STK38: variants seen among roughly 807,000 people sequenced by gnomAD.
The protein encoded by STK38 is serine/threonine-protein kinase 38.
In STK38, 26 loss-of-function variants were observed where a neutral mutation model predicts 59.0. The ratio of observed to expected loss-of-function variants is 0.44; its 90% CI spans 0.32 to 0.61. STK38 has a LOEUF of 0.61. STK38 is among the 20% of genes least tolerant of loss of function. The pLI is 0.04. For missense variants in STK38, 433 were observed against 566.0 expected, an observed-to-expected ratio of 0.76 and a Z score of 2.38; for synonymous variants, 175 against 176.6, an observed-to-expected ratio of 0.99 and a Z score of 0.07.
At position 36,547,263 on chromosome 6, in the gene STK38, G is replaced by C. The variant is rs45524837; in HGVS notation, c.-79C>G. ...CCCCTTCGGCCAGTAGTCTCGACTTGAAGGCTGGCGAAGCCCCGGCGGCGG... is the reference window on the plus strand; with the variant it reads ...CCCCTTCGGCCAGTAGTCTCGACTTCAAGGCTGGCGAAGCCCCGGCGGCGG... On this transcript the variant is annotated 5_prime_UTR_variant, in exon 1 of 14. Coordinates refer to ENST00000229812, the MANE Select transcript of STK38 (RefSeq NM_007271.4). 0.07 allele frequency: 10,678 copies of C among 152,702 alleles called. 475 individuals are homozygous for C. The highest frequency in any genetic ancestry group is 0.14 in the South Asian group (686 of 4,836). The allele number at this position is 152,702 out of a possible 1,614,324, so 9.5% of individuals were successfully genotyped here. A position where few individuals can be genotyped will look rare whatever the true frequency, so the allele number is the denominator to read the frequency against.
intron 2 of STK38, among the ~76,000 whole-genome samples, chr6:36,529,216 T>C (rs1484383841): frequency 6.6e-6 from 1 of 152,222 alleles, no homozygotes; most frequent in East Asian, 1.9e-4. Flanking sequence ...TGGAAATGCA[T>C]ACTTGACAGT....
rs1285765911 is a variant in STK38, at chr6:36,513,927, G to A, written c.669+1411C>T. The stretch of plus-strand genomic sequence containing the variant: ...TCCCAGCACTTTGGGAGGCCAAGGC[G>A]GGCAGATCACAAGGTCAGGAGATCG... On this transcript the variant is annotated intron_variant, in intron 7 of 13. Transcript: ENST00000229812. 4.0e-5 allele frequency among the ~76,000 whole-genome samples: 6 copies of A among 150,334 alleles called. 1 individual carries two copies. The highest frequency in any genetic ancestry group is 2.1e-4 in the South Asian group (1 of 4,688).
At chr6:36,545,289 G>GAAAAAAAAAAAA (rs58104312) in intron 1 of STK38, among the ~76,000 whole-genome samples, 1 of 60,526 alleles carries the variant, frequency 1.7e-5, no homozygotes, top group African/African-American at 6.5e-5. Flanking sequence ...ACTCCGTCTG[G>GAAAAAAAAAAAA]AAAAAAAAAA....
intron 5 of STK38, among the ~76,000 whole-genome samples, chr6:36,519,630 T>G (rs1305364080): frequency 6.6e-6 from 1 of 152,092 alleles, no homozygotes; most frequent in Non-Finnish European, 1.5e-5. Flanking sequence ...AAAGTGGAGT[T>G]GGCTGAATAT....
At chr6:36,510,944 G>C (rs1367891929) in intron 7 of STK38, among the ~76,000 whole-genome samples, 22 of 152,208 alleles carry the variant, frequency 1.4e-4, no homozygotes, top group Admixed American at 1.4e-3. Flanking sequence ...TCCCAACACA[G>C]TATCTGGCAT....
intron 2 of STK38, among the ~76,000 whole-genome samples, chr6:36,528,527 G>A (rs941682735): frequency 6.6e-6 from 1 of 152,122 alleles, no homozygotes; most frequent in Admixed American, 6.5e-5. Flanking sequence ...AGGAAACAGA[G>A]AGAGGAACAC....
chr6:36,527,228 ATTTATATG>A (rs1777545484), intron 2 of STK38, among the ~76,000 whole-genome samples: 1 of 143,346 alleles, frequency 7.0e-6, no homozygotes, highest in Non-Finnish European at 1.5e-5. Flanking sequence ...ATATATATAT[ATTTATATG>A]TATATACACA....
intron 1 of STK38, among the ~76,000 whole-genome samples, chr6:36,544,600 AT>A (rs1193898796): frequency 6.6e-6 from 1 of 152,212 alleles, no homozygotes; most frequent in Non-Finnish European, 1.5e-5. Context: ...AAATGTAACA[AT>A]TTGCCAGGGC....
intron 8 of STK38, 126 bp downstream of exon 8, chr6:36,507,374 A>G: frequency 1.3e-6 from 1 of 777,040 alleles, no homozygotes; most frequent in Non-Finnish European, 2.1e-6. Context: ...AAACCTGGGA[A>G]GGTATTTTTA....
At chr6:36,524,221 G>C (rs1264477754) in intron 4 of STK38, 120 bp downstream of exon 4, 1 of 1,207,690 alleles carries the variant, frequency 8.3e-7, no homozygotes, top group Non-Finnish European at 1.1e-6. Context: ...TGTGGGGCTG[G>C]CATGCCTGAC....
intron 3 of STK38, 30 bp from the exon 4 acceptor site, chr6:36,524,493 G>T (rs1214921882): frequency 6.4e-7 from 1 of 1,574,408 alleles, no homozygotes; most frequent in South Asian, 1.2e-5. Flanking sequence ...GGGAGGAGAC[G>T]GGAAGGAACT....
chr6:36,525,676 C>T (rs1298726726), intron 2 of STK38, 34 bp from the exon 3 acceptor site: 2 of 1,563,164 alleles, frequency 1.3e-6, no homozygotes, highest in Non-Finnish European at 8.8e-7. Flanking sequence ...CATGAAATCA[C>T]ATCTGAATGA....
chr6:36,519,172 T>C (rs1435099670), intron 5 of STK38, among the ~76,000 whole-genome samples: 1 of 152,216 alleles, frequency 6.6e-6, no homozygotes, highest in Admixed American at 6.5e-5. Flanking sequence ...AAGCTGCAAC[T>C]GTACAGAAAA....
chr6:36,517,896 A>G (rs201059970), intron 5 of STK38, 56 bp from the exon 6 acceptor site: 3 of 1,587,716 alleles, frequency 1.9e-6, no homozygotes, highest in Non-Finnish European at 2.6e-6. Context: ...ATTAGATTGT[A>G]TATTTGCTTA....
rs149028199 is a variant in STK38, at chr6:36,533,904, A to G, written c.131+6168T>C. ...GATCCTAACACGGGACACTGTGCAGACACTTGTTTACTCCAGTGAACAGCA... is the reference window on the plus strand; with the variant it reads ...GATCCTAACACGGGACACTGTGCAGGCACTTGTTTACTCCAGTGAACAGCA... On this transcript the variant is annotated intron_variant, in intron 2 of 13. Coordinates refer to ENST00000229812, the MANE Select transcript of STK38 (RefSeq NM_007271.4). Among the ~76,000 whole-genome samples, 946 of 152,348 alleles carry G rather than the reference A, an allele frequency of 6.2e-3. 12 individuals carry two copies. The highest frequency in any genetic ancestry group is 0.022 in the African/African-American group (908 of 41,574).
At chr6:36,498,989 T>A (rs527661346) in intron 10 of STK38, among the ~76,000 whole-genome samples, 1 of 152,112 alleles carries the variant, frequency 6.6e-6, no homozygotes, top group East Asian at 1.9e-4. Context: ...TACCTAAACC[T>A]ATTTTTCATT....
intron 2 of STK38, among the ~76,000 whole-genome samples, chr6:36,526,948 C>CT (rs1404153567): frequency 6.6e-6 from 1 of 150,622 alleles, no homozygotes; most frequent in Non-Finnish European, 1.5e-5. Flanking sequence ...AATCCCAGCA[C>CT]TTTGGGAGGC....
intron 2 of STK38, among the ~76,000 whole-genome samples, chr6:36,534,746 G>A (rs1215976508): frequency 2.0e-5 from 3 of 151,016 alleles, no homozygotes; most frequent in African/African-American, 7.3e-5. Flanking sequence ...CAGTGAGCAC[G>A]TTTGCTCTTA....
chr6:36,541,397 T>C (rs1561994972), intron 1 of STK38, among the ~76,000 whole-genome samples: 1 of 150,744 alleles, frequency 6.6e-6, no homozygotes, highest in Non-Finnish European at 1.5e-5. Context: ...TAGTGAGACC[T>C]AAAAAAAAAT....
Sources: gnomAD v4.1 joint callset for allele counts (sites outside exome capture counted in the v4.1 genomes callset) on GRCh38, gnomAD v4.1.1 for gene constraint, MANE v1.5 for transcripts, NCBI Gene and HGNC (gene_info 2026-07-23, HGNC 2026-07-21) for gene names.